CSMD3: variants seen among roughly 807,000 people sequenced by gnomAD.
CSMD3 encodes CUB and sushi domain-containing protein 3.
CSMD3 carries 177 observed loss-of-function variants against 435.2 expected under a neutral mutation model. The ratio of observed to expected loss-of-function variants is 0.41; its 90% CI spans 0.36 to 0.46. CSMD3 has a LOEUF of 0.46. CSMD3 is among the 20% of genes least tolerant of loss of function. The pLI is 0.34. For missense variants in CSMD3, 4,265 were observed against 4,504.6 expected, an observed-to-expected ratio of 0.95 and a Z score of 1.52; for synonymous variants, 1,656 against 1,520.5, an observed-to-expected ratio of 1.09 and a Z score of -2.07.
At chr8:112,278,691 C>T (rs1337443631) in intron 59 of CSMD3, among the ~76,000 whole-genome samples, 1 of 152,070 alleles carries the variant, frequency 6.6e-6, no homozygotes, top group Non-Finnish European at 1.5e-5. Context: ...ATGTGGTGTC[C>T]TCCAGTCCAT....
intron 61 of CSMD3, among the ~76,000 whole-genome samples, chr8:112,262,046 C>T (rs1327426994): frequency 1.3e-5 from 2 of 151,722 alleles, no homozygotes; most frequent in African/African-American, 4.8e-5. Flanking sequence ...TTCACTTTTT[C>T]ATTTGTGGGT....
intron 35 of CSMD3, among the ~76,000 whole-genome samples, chr8:112,392,719 T>C (rs1043858000): frequency 6.6e-6 from 1 of 151,902 alleles, no homozygotes; most frequent in South Asian, 2.1e-4. Flanking sequence ...CTATGGCTGG[T>C]ATGTTTTCCA....
At chr8:113,029,043 G>A (rs2086981050) in intron 5 of CSMD3, among the ~76,000 whole-genome samples, 1 of 151,570 alleles carries the variant, frequency 6.6e-6, no homozygotes, top group South Asian at 2.1e-4. Flanking sequence ...TGACTGTGTT[G>A]TCAGGGGTTA....
rs1319002838 is a variant in CSMD3 at position 112,494,472 on chromosome 8, C to CTTTCTTTG, written c.5084-1790_5084-1789insCAAAGAAA. ...TTGTTTCTTTCTCTCCTTTCTCTTT[C>CTTTCTTTG]TTTTCTTTTGTTTCTTTCTCTCCTT... On this transcript the variant is annotated intron_variant, in intron 30 of 70. Transcript: ENST00000297405. 8.0e-4 allele frequency among the ~76,000 whole-genome samples: 81 copies of CTTTCTTTG among 100,966 alleles called. 1 individual carries two copies. The highest frequency in any genetic ancestry group is 2.2e-3 in the African/African-American group (76 of 35,132). The allele number at this position is 100,966 out of a possible 152,430, so 66.2% of individuals were successfully genotyped here. A position where few individuals can be genotyped will look rare whatever the true frequency, so the allele number is the denominator to read the frequency against.
In CSMD3 at chr8:112,859,020, G is replaced by A. The variant is rs1021125353; in HGVS notation, c.1755+125C>T. 5 of 807,736 alleles carry A rather than the reference G, an allele frequency of 6.2e-6. No individual in the cohort carries two copies. In the African/African-American group the frequency reaches 8.6e-5, roughly 14 times the overall value. 50.0% of individuals were successfully genotyped at this position (807,736 alleles called of 1,614,324 possible). ...AATCTGGTTTATAAACTGTTAAGTA[G>A]GGAATATTGCGCCAAAATCCTACTT... On this transcript the variant is annotated intron_variant, in intron 11 of 70. Transcript: ENST00000297405.
rs143191055 is a variant in CSMD3 at position 113,258,283 on chromosome 8, G to C, written c.514+20309C>G. 2.0e-5 allele frequency among the ~76,000 whole-genome samples: 3 copies of C among 152,278 alleles called. No homozygotes were observed. The East Asian group carries it at 5.8e-4, about 29-fold the overall frequency. ...TCCATGCCATTTTTACTAGTAGAAC[G>C]AGAGTATTTTCATCTTTATAAAAAG... On this transcript the variant is annotated intron_variant, in intron 3 of 70. Coordinates refer to ENST00000297405, the MANE Select transcript of CSMD3 (RefSeq NM_198123.2).
chr8:112,951,685 T>C (rs2083817571), intron 8 of CSMD3, among the ~76,000 whole-genome samples: 1 of 151,772 alleles, frequency 6.6e-6, no homozygotes, highest in African/African-American at 2.4e-5. Context: ...ATATATTTTA[T>C]TCACTCTTTT....
intron 1 of CSMD3, among the ~76,000 whole-genome samples, chr8:113,381,076 A>G (rs1251056802): frequency 1.3e-5 from 2 of 152,324 alleles, no homozygotes; most frequent in African/African-American, 2.4e-5. Flanking sequence ...TCTTGACTTC[A>G]AAAATAGATG....
rs2094028680 is a variant in CSMD3 at position 113,331,684 on chromosome 8, AAGTATCCCAAT to A, written c.179-16902_179-16892del. On this transcript the variant is annotated intron_variant, in intron 1 of 70. Coordinates refer to ENST00000297405, the MANE Select transcript of CSMD3 (RefSeq NM_198123.2). Reference sequence around the variant, plus strand: ...AACGGAATAAAGGACAAAATCCACTAAGTATCCCAATAGAAAAAGAATATATATTTTACAAA... The same window carrying A: ...AACGGAATAAAGGACAAAATCCACTAAGAAAAAGAATATATATTTTACAAA... Among the ~76,000 whole-genome samples, 10 of 151,946 alleles carry A rather than the reference AAGTATCCCAAT, an allele frequency of 6.6e-5. No individual in the cohort carries two copies. The South Asian group carries it at 2.1e-3, about 31-fold the overall frequency.
intron 60 of CSMD3, among the ~76,000 whole-genome samples, chr8:112,264,335 G>A (rs569106475): frequency 1.8e-4 from 27 of 152,106 alleles, no homozygotes; most frequent in African/African-American, 6.3e-4. Context: ...TTATTATAGG[G>A]TTTATAAATG....
chr8:113,348,833 T>G (rs2094170291), intron 1 of CSMD3, among the ~76,000 whole-genome samples: 1 of 152,102 alleles, frequency 6.6e-6, no homozygotes, highest in Admixed American at 6.6e-5. Context: ...ATATTTAGTG[T>G]GTGTATAAAT....
chr8:112,919,980 A>C (rs565001300), intron 10 of CSMD3, among the ~76,000 whole-genome samples: 1 of 151,974 alleles, frequency 6.6e-6, no homozygotes, highest in Admixed American at 6.6e-5. Flanking sequence ...TATACTATTT[A>C]AAGAGAAGAA....
At chr8:112,744,135 G>C (rs1417805917) in intron 13 of CSMD3, among the ~76,000 whole-genome samples, 1 of 152,032 alleles carries the variant, frequency 6.6e-6, no homozygotes, top group East Asian at 1.9e-4. Flanking sequence ...AAATTTCAGA[G>C]TATTAAATGT....
At chr8:112,983,977 T>C (rs926548626) in intron 6 of CSMD3, among the ~76,000 whole-genome samples, 3 of 152,004 alleles carry the variant, frequency 2.0e-5, no homozygotes, top group African/African-American at 7.2e-5. Context: ...TGTAGAGCAT[T>C]TGGTATTCTG....
intron 13 of CSMD3, among the ~76,000 whole-genome samples, chr8:112,692,990 G>C (rs533159648): frequency 6.6e-6 from 1 of 151,428 alleles, no homozygotes; most frequent in Non-Finnish European, 1.5e-5. Flanking sequence ...AAATAACATA[G>C]CCTGTATAAA....
chr8:112,713,490 T>C (rs1278386931), intron 13 of CSMD3, among the ~76,000 whole-genome samples: 1 of 151,496 alleles, frequency 6.6e-6, no homozygotes, highest in Non-Finnish European at 1.5e-5. Flanking sequence ...GGAACCAAGT[T>C]GGAAACACAC....
intron 1 of CSMD3, among the ~76,000 whole-genome samples, chr8:113,420,121 A>C (rs2129930321): frequency 6.6e-6 from 1 of 152,270 alleles, no homozygotes; most frequent in Non-Finnish European, 1.5e-5. Flanking sequence ...GGGCAATATT[A>C]AAATAGCTCT....
chr8:112,816,125 C>G (rs140949823), intron 12 of CSMD3, among the ~76,000 whole-genome samples: 2 of 152,230 alleles, frequency 1.3e-5, no homozygotes, highest in African/African-American at 2.4e-5. Context: ...CAAAGATACC[C>G]TTTCTGTTGA....
At chr8:112,311,719 C>G (rs932179096) in intron 49 of CSMD3, among the ~76,000 whole-genome samples, 4 of 152,096 alleles carry the variant, frequency 2.6e-5, no homozygotes, top group African/African-American at 9.7e-5. Context: ...TACAAATTGC[C>G]AATAAAATAA....
Sources: allele counts gnomAD v4.1 joint callset (sites outside exome capture counted in the v4.1 genomes callset), GRCh38; gene constraint gnomAD v4.1.1; transcripts MANE v1.5; gene names NCBI Gene and HGNC (gene_info 2026-07-23, HGNC 2026-07-21).